The following ATG16L1 variants were observed in gnomAD, a reference collection of about 807,000 sequenced individuals.
ATG16L1 encodes autophagy related 16 like 1.
Under a neutral mutation model 88.5 loss-of-function variants are expected in ATG16L1, and 37 were observed. The ratio of observed to expected loss-of-function variants is 0.42; its 90% CI spans 0.32 to 0.55. The LOEUF is 0.55. Among genes scored for constraint, ATG16L1 ranks in the 20% least tolerant of loss-of-function variants. The probability of loss-of-function intolerance (pLI) is 0.13; values close to 1 mark genes in which losing one functional copy is unlikely to be tolerated. For synonymous variants in ATG16L1, 301 were observed against 281.0 expected, an observed-to-expected ratio of 1.07 and a Z score of -0.71; for missense variants, 554 against 752.8, an observed-to-expected ratio of 0.74 and a Z score of 3.09.
intron 12 of ATG16L1, among the ~76,000 whole-genome samples, chr2:233,286,365 C>T (rs1239451391): frequency 2.0e-5 from 3 of 152,090 alleles, no homozygotes; most frequent in Non-Finnish European, 2.9e-5. Flanking sequence ...CCCGCTGCCC[C>T]GCTATTGTTA....
chr2:233,294,200 C>T, intron 17 of ATG16L1, 57 bp from the exon 18 acceptor site: 1 of 1,404,914 alleles, frequency 7.1e-7, no homozygotes, highest in East Asian at 2.4e-5. Context: ...TTTGGTTTAC[C>T]AAGATCTCAT....
At position 233,251,687 on chromosome 2, in the gene ATG16L1, G is replaced by A. The variant is rs1696374684; in HGVS notation, c.-141G>A. On this transcript the variant is annotated 5_prime_UTR_variant, in exon 1 of 18. An upstream start codon of the reference 5' UTR is lost. Coordinates refer to ENST00000392017, the MANE Select transcript of ATG16L1 (RefSeq NM_030803.7). ...CATGAGCCGGAAGACCGTCCCGGAT[G>A]GCCTCGGGGACTGCCAGTGTGTGGA... 1.4e-6 allele frequency: 1 copy of A among 696,338 alleles called. No homozygotes were observed. Among genetic ancestry groups the A allele is most frequent in the Non-Finnish European group, 2.4e-6 (1 of 408,988 alleles). 43.1% of individuals were successfully genotyped at this position (696,338 alleles called of 1,614,324 possible).
At chr2:233,290,817 A>G (rs967367997) in intron 14 of ATG16L1, among the ~76,000 whole-genome samples, 1 of 152,230 alleles carries the variant, frequency 6.6e-6, no homozygotes, top group African/African-American at 2.4e-5. Context: ...GCAAGTGAGC[A>G]GGAAACAGGG....
At chr2:233,261,009 G>T (rs1162434365) in intron 2 of ATG16L1, among the ~76,000 whole-genome samples, 2 of 152,156 alleles carry the variant, frequency 1.3e-5, no homozygotes, top group Non-Finnish European at 1.5e-5. Context: ...AGGCTGGAGG[G>T]CAGTGGCGCA....
At position 233,273,000 on chromosome 2, in the gene ATG16L1, T is replaced by G. The variant is rs1457383255; in HGVS notation, c.742T>G (p.Ser248Ala). 3.7e-6 allele frequency: 6 copies of G among 1,614,072 alleles called. No homozygotes were observed. The highest frequency in any genetic ancestry group is 5.1e-6 in the Non-Finnish European group (6 of 1,179,972). ...DDIEVIVDET[S>A]DHTEETSPVR... ...CATTGAGGTCATTGTGGATGAAACT[T>G]CTGATCACACAGAAGAGACCTCTCC... The change falls in exon 7 of 18, where the codon TCT (serine) becomes GCT (alanine). Residue 248 changes from serine (S) to alanine (A), a missense_variant. Transcript: ENST00000392017.
intron 2 of ATG16L1, 81 bp from the exon 3 acceptor site, chr2:233,263,049 C>T: frequency 1.7e-6 from 2 of 1,196,502 alleles, no homozygotes; most frequent in South Asian, 2.6e-5. Context: ...GTTTCATTGC[C>T]TAATTGGAAA....
At chr2:233,288,596 T>A in intron 12 of ATG16L1, 1 of 372,480 alleles carries the variant, frequency 2.7e-6, no homozygotes, top group South Asian at 2.1e-5. Context: ...ATTTTCTAAT[T>A]AGAAAGAAAA....
At chr2:233,266,582 G>A (rs1258423923) in intron 5 of ATG16L1, among the ~76,000 whole-genome samples, 1 of 152,188 alleles carries the variant, frequency 6.6e-6, no homozygotes, top group Non-Finnish European at 1.5e-5. Context: ...ATAGGAAAGA[G>A]TCTTTTAAAG....
chr2:233,253,043 T>G (rs1470082870), intron 1 of ATG16L1, among the ~76,000 whole-genome samples: 1 of 152,198 alleles, frequency 6.6e-6, no homozygotes, highest in Non-Finnish European at 1.5e-5. Context: ...CCAGACCAAC[T>G]AAATCACAAG....
chr2:233,280,395 C>T (rs538452726), intron 10 of ATG16L1, among the ~76,000 whole-genome samples: 77 of 152,190 alleles, frequency 5.1e-4, no homozygotes, highest in African/African-American at 1.8e-3. Flanking sequence ...CTGAAATTTC[C>T]GTGTGGGTGG....
chr2:233,263,678 C>A (rs1242462092), intron 3 of ATG16L1, among the ~76,000 whole-genome samples: 2 of 152,178 alleles, frequency 1.3e-5, no homozygotes, highest in Middle Eastern at 3.2e-3. Flanking sequence ...AAATACAGTT[C>A]ACCATCAGTA....
chr2:233,285,333 T>A (rs1699004838), intron 12 of ATG16L1, among the ~76,000 whole-genome samples: 1 of 152,216 alleles, frequency 6.6e-6, no homozygotes, highest in Non-Finnish European at 1.5e-5. Context: ...GGATATTTTT[T>A]AATTGGTAAT....
At chr2:233,266,458 A>G (rs915399495) in intron 5 of ATG16L1, among the ~76,000 whole-genome samples, 6 of 152,214 alleles carry the variant, frequency 3.9e-5, no homozygotes, top group African/African-American at 1.4e-4. Flanking sequence ...GACCCCATCC[A>G]GAAACAAACA....
intron 14 of ATG16L1, among the ~76,000 whole-genome samples, chr2:233,290,885 G>A (rs1699417388): frequency 6.6e-6 from 1 of 152,206 alleles, no homozygotes; most frequent in South Asian, 2.1e-4. Context: ...GGCTTGATAA[G>A]CCATTGTCAA....
intron 5 of ATG16L1, among the ~76,000 whole-genome samples, chr2:233,268,993 A>G (rs1697795294): frequency 6.6e-6 from 1 of 152,196 alleles, no homozygotes; most frequent in African/African-American, 2.4e-5. Flanking sequence ...TAGAAGTGAA[A>G]TTTATCAAAG....
chr2:233,273,761 A>G lies in ATG16L1; in HGVS notation c.835A>G (p.Ile279Val), dbSNP rs763416099. The G allele has an allele frequency of 1.2e-6, 2 of 1,614,180 alleles. No homozygotes were observed. The highest frequency in any genetic ancestry group is 1.1e-5 in the South Asian group (1 of 91,074). ...GCCTGCTGGAGGCCTTCTGGATTCTATCACTAATATCTTTGGGTAGGTTAG... is the reference window on the plus strand; with the variant it reads ...GCCTGCTGGAGGCCTTCTGGATTCTGTCACTAATATCTTTGGGTAGGTTAG... Reference protein sequence around the residue: ...SQPAGGLLDSITNIFGRRSVS... With the variant: ...SQPAGGLLDSVTNIFGRRSVS... Residue 279 changes from isoleucine to valine, a missense_variant, in exon 8 of 18, where the codon ATC (isoleucine) becomes GTC (valine). By Grantham distance (29) the Ile-to-Val change is conservative. Around this residue, in one of 5 missense-constraint regions of ATG16L1, gnomAD observed 370 missense variants for 509.7 expected, o/e 0.73. Coordinates refer to ENST00000392017, the MANE Select transcript of ATG16L1 (RefSeq NM_030803.7).
intron 3 of ATG16L1, 23 bp from the exon 4 acceptor site, chr2:233,263,969 A>G (rs762939473): frequency 5.0e-6 from 8 of 1,611,640 alleles, no homozygotes; most frequent in Non-Finnish European, 6.8e-6. Context: ...TTATTTATGA[A>G]AGTATTCTTC....
chr2:233,254,643 A>T (rs1696649211), intron 1 of ATG16L1, among the ~76,000 whole-genome samples: 1 of 152,186 alleles, frequency 6.6e-6, no homozygotes, highest in African/African-American at 2.4e-5. Flanking sequence ...CAGGGCACTA[A>T]GCTTTGGTTT....
At chr2:233,263,923 C>T (rs1697386253) in intron 3 of ATG16L1, 69 bp from the exon 4 acceptor site, 1 of 1,467,770 alleles carries the variant, frequency 6.8e-7, no homozygotes, top group African/African-American at 1.4e-5. Flanking sequence ...TAAATCGCCA[C>T]CCACTGTGTA....
Sources: allele counts gnomAD v4.1 joint callset (sites outside exome capture counted in the v4.1 genomes callset), GRCh38; gene constraint gnomAD v4.1.1; regional missense constraint gnomAD v4.1.1; transcripts MANE v1.5; gene names NCBI Gene and HGNC (gene_info 2026-07-23, HGNC 2026-07-21).